Variants in FSTL4 observed in about 807,000 individuals in gnomAD.
FSTL4 encodes follistatin like 4, also known as follistatin-related protein 4.
In FSTL4, 28 loss-of-function variants were observed where a neutral mutation model predicts 78.2. That is an observed-to-expected ratio of 0.36 (90% CI 0.27 to 0.49). The LOEUF (loss-of-function observed/expected upper bound fraction) is 0.49, where lower values mean the gene tolerates loss of function less well. Among genes scored for constraint, FSTL4 ranks in the 20% least tolerant of loss-of-function variants. The probability of loss-of-function intolerance (pLI) is 0.98; values close to 1 mark genes in which losing one functional copy is unlikely to be tolerated. For synonymous variants in FSTL4, 422 were observed against 440.5 expected (o/e 0.96, Z 0.53); for missense variants, 922 against 1,084.9 (o/e 0.85, Z 2.11).
At chr5:133,512,606 G>C (rs1469464996) in intron 3 of FSTL4, among the ~76,000 whole-genome samples, 4 of 152,166 alleles carry the variant, frequency 2.6e-5, no homozygotes. Flanking sequence ...ACTTGAATGT[G>C]TTTTTCAATC....
At chr5:133,303,468 T>C (rs1351442141) in intron 6 of FSTL4, among the ~76,000 whole-genome samples, 2 of 152,180 alleles carry the variant, frequency 1.3e-5, no homozygotes, top group Non-Finnish European at 2.9e-5. Context: ...AGGGTCTGGC[T>C]CTCCAGCCAG....
At chr5:133,609,928 G>T (rs1761055649) in intron 1 of FSTL4, among the ~76,000 whole-genome samples, 1 of 152,160 alleles carries the variant, frequency 6.6e-6, no homozygotes. Flanking sequence ...ATATCTAATT[G>T]CATTAAGCTA....
intron 4 of FSTL4, among the ~76,000 whole-genome samples, chr5:133,386,995 C>T (rs533388261): frequency 6.6e-6 from 1 of 152,354 alleles, no homozygotes; most frequent in South Asian, 2.1e-4. Flanking sequence ...CTCCTCATTT[C>T]CCTTTAGGGG....
At chr5:133,720,292 G>A in the FSTL4 span, among the ~76,000 whole-genome samples, 1 of 152,214 alleles carries the variant, frequency 6.6e-6, no homozygotes, top group Non-Finnish European at 1.5e-5. Context: ...GTGGCAACCT[G>A]TAAATACAAA....
the FSTL4 span, among the ~76,000 whole-genome samples, chr5:133,715,651 C>A: frequency 6.6e-6 from 1 of 152,338 alleles, no homozygotes; most frequent in East Asian, 1.9e-4. Context: ...AAAGGACAAG[C>A]AGCCACAGCC....
chr5:133,353,393 C>T (rs1754871884), intron 4 of FSTL4, among the ~76,000 whole-genome samples: 1 of 152,230 alleles, frequency 6.6e-6, no homozygotes, highest in Non-Finnish European at 1.5e-5. Context: ...CAAAGGTCTG[C>T]ATGTGGGCTG....
intron 14 of FSTL4, among the ~76,000 whole-genome samples, chr5:133,205,106 T>TAA (rs1221500010): frequency 6.6e-6 from 1 of 152,176 alleles, no homozygotes; most frequent in Non-Finnish European, 1.5e-5. Flanking sequence ...TAGGCAAAGG[T>TAA]AAACTATTGG....
the FSTL4 span, among the ~76,000 whole-genome samples, chr5:133,647,684 A>G: frequency 1.3e-5 from 2 of 152,344 alleles, no homozygotes; most frequent in Admixed American, 6.5e-5. Flanking sequence ...CATATTTCTC[A>G]TCGGAAATCC....
At chr5:133,740,298 T>C in the FSTL4 span, among the ~76,000 whole-genome samples, 2 of 152,152 alleles carry the variant, frequency 1.3e-5, no homozygotes, top group African/African-American at 2.4e-5. Flanking sequence ...GGGGCAGGCA[T>C]TCTCTCCTAT....
the FSTL4 span, among the ~76,000 whole-genome samples, chr5:133,825,947 T>G: frequency 6.6e-6 from 1 of 152,208 alleles, no homozygotes; most frequent in African/African-American, 2.4e-5. Flanking sequence ...ATTTATAACC[T>G]TCCTTGAGGT....
intron 2 of FSTL4, among the ~76,000 whole-genome samples, chr5:133,596,744 C>T (rs1329247152): frequency 6.6e-6 from 1 of 152,200 alleles, no homozygotes; most frequent in Non-Finnish European, 1.5e-5. Flanking sequence ...CCAGCTCTCC[C>T]AACCCCAACC....
chr5:133,684,200 C>CT, the FSTL4 span, among the ~76,000 whole-genome samples: 29 of 152,332 alleles, frequency 1.9e-4, no homozygotes, highest in African/African-American at 6.7e-4. Context: ...AAGCTCAGGG[C>CT]TGAAAGTGAC....
the FSTL4 span, among the ~76,000 whole-genome samples, chr5:133,816,655 T>C: frequency 1.3e-5 from 2 of 152,158 alleles, no homozygotes; most frequent in African/African-American, 4.8e-5. Flanking sequence ...AGATAAAATA[T>C]TGTAGCTCTC....
chr5:133,696,353 C>T, the FSTL4 span, among the ~76,000 whole-genome samples: 1 of 152,268 alleles, frequency 6.6e-6, no homozygotes, highest in Non-Finnish European at 1.5e-5. Context: ...TGACCATCCT[C>T]TGGGCATCCG....
the FSTL4 span, among the ~76,000 whole-genome samples, chr5:133,831,834 A>C: frequency 3.9e-5 from 6 of 152,222 alleles, no homozygotes; most frequent in African/African-American, 1.2e-4. Context: ...GAACTGATCA[A>C]GGCTGACTCT....
At chr5:133,470,622 G>A (rs796781503) in intron 3 of FSTL4, among the ~76,000 whole-genome samples, 1 of 152,092 alleles carries the variant, frequency 6.6e-6, no homozygotes, top group Non-Finnish European at 1.5e-5. Flanking sequence ...GCGCGTGCCT[G>A]TAATCACAGC....
chr5:133,730,682 G>C, the FSTL4 span, among the ~76,000 whole-genome samples: 1 of 152,194 alleles, frequency 6.6e-6, no homozygotes, highest in Non-Finnish European at 1.5e-5. Context: ...AAGTTCCTGT[G>C]ATGGCAAACC....
In FSTL4 at chr5:133,236,638, C is replaced by T. The variant is rs1277433265; in HGVS notation, c.895-3101G>A. Among the ~76,000 whole-genome samples, 1 of 152,218 alleles carries T rather than the reference C, an allele frequency of 6.6e-6. No individual in the cohort carries two copies. The highest frequency in any genetic ancestry group is 2.4e-5 in the African/African-American group (1 of 41,468). ...TGCCCTGAGCCAGCCACATCACGCCCCTCATACTCAGAGCCTTGTTTGCTG... is the reference window on the plus strand; with the variant it reads ...TGCCCTGAGCCAGCCACATCACGCCTCTCATACTCAGAGCCTTGTTTGCTG... On this transcript the variant is annotated intron_variant, in intron 7 of 15. Transcript: ENST00000265342. This position sits in a 1 kb window ranked among gnomAD's most constrained non-coding sequence, Gnocchi z 5.0.
chr5:133,294,233 G>A (rs182205141), intron 6 of FSTL4, among the ~76,000 whole-genome samples: 447 of 152,276 alleles, frequency 2.9e-3, no homozygotes, highest in Non-Finnish European at 4.5e-3. Context: ...CCTGGGGCCA[G>A]GGACCAAATC....
Sources: allele counts gnomAD v4.1 joint callset (sites outside exome capture counted in the v4.1 genomes callset), GRCh38; gene constraint gnomAD v4.1.1; non-coding constraint Gnocchi (gnomAD v3.1); transcripts MANE v1.5; gene names NCBI Gene and HGNC (gene_info 2026-07-23, HGNC 2026-07-21).